The following CFAP61 variants were observed in gnomAD, a reference collection of about 807,000 sequenced individuals.
The protein encoded by CFAP61 is cilia- and flagella-associated protein 61.
A neutral mutation model predicts 135.6 loss-of-function variants in CFAP61; 107 were observed. That is an observed-to-expected ratio of 0.79 (90% CI 0.67 to 0.93). The LOEUF (loss-of-function observed/expected upper bound fraction) is 0.93, where lower values mean the gene tolerates loss of function less well. Ranked by LOEUF, CFAP61 falls within the 40% of genes least tolerant of loss-of-function variation. The pLI is 0.00. For missense variants in CFAP61, 1,507 were observed against 1,556.2 expected, an observed-to-expected ratio of 0.97 and a Z score of 0.53; for synonymous variants, 575 against 578.5, an observed-to-expected ratio of 0.99 and a Z score of 0.09.
At chr20:20,217,206 G>A (rs1833758807) in intron 17 of CFAP61, among the ~76,000 whole-genome samples, 3 of 152,170 alleles carry the variant, frequency 2.0e-5, no homozygotes, top group Admixed American at 1.3e-4. Context: ...AAAGCCCAGC[G>A]AGCCTTTTGG....
chr20:20,195,596 T>C (rs1037692793), intron 15 of CFAP61, among the ~76,000 whole-genome samples: 16 of 149,622 alleles, frequency 1.1e-4, no homozygotes, highest in African/African-American at 3.4e-4. Context: ...GGACCAGAAC[T>C]GGGCCTGTGG....
chr20:20,324,118 T>A (rs2057658664), intron 25 of CFAP61, among the ~76,000 whole-genome samples: 1 of 152,224 alleles, frequency 6.6e-6, no homozygotes, highest in Non-Finnish European at 1.5e-5. Context: ...TCTCAATTCT[T>A]ATGCATTCAA....
intron 17 of CFAP61, among the ~76,000 whole-genome samples, chr20:20,223,254 A>C (rs369064564): frequency 5.9e-5 from 9 of 152,328 alleles, no homozygotes; most frequent in African/African-American, 1.9e-4. Context: ...TTGCCTGCTG[A>C]GGAAAGCAGA....
rs565616828 is a variant in CFAP61 at position 20,129,031 on chromosome 20, T to C, written c.860-13826T>C. ...GTTATAACTATTATTATAATAGTTA[T>C]AACTATTATTGTTTTTGACAGATTT... On this transcript the variant is annotated intron_variant, in intron 8 of 26. Transcript: ENST00000245957. Among the ~76,000 whole-genome samples the C allele has an allele frequency of 2.1e-3, 317 of 151,682 alleles. 14 individuals carry two copies. Among genetic ancestry groups the C allele is most frequent in the African/African-American group, 7.4e-3 (302 of 41,082 alleles).
chr20:20,248,509 T>C (rs973351512), intron 19 of CFAP61, among the ~76,000 whole-genome samples: 2 of 152,146 alleles, frequency 1.3e-5, no homozygotes, highest in Non-Finnish European at 2.9e-5. Flanking sequence ...ATCCAGCCTC[T>C]TGTGGAGGTG....
intron 26 of CFAP61, among the ~76,000 whole-genome samples, chr20:20,358,312 TGA>T (rs2059350185): frequency 6.6e-6 from 1 of 152,140 alleles, no homozygotes; most frequent in Admixed American, 6.5e-5. Flanking sequence ...GATCACAGTA[TGA>T]GAGGTCATCC....
In CFAP61 at chr20:20,182,064, G is replaced by A. The variant is rs73605602; in HGVS notation, c.1386-5866G>A. On this transcript the variant is annotated intron_variant, in intron 13 of 26. Coordinates refer to ENST00000245957, the MANE Select transcript of CFAP61 (RefSeq NM_015585.4). ...TAAGTCGGTACATAATCATTGAAGC[G>A]GACTTTGTTTTATTGGATATTTATT... 4.0e-4 allele frequency among the ~76,000 whole-genome samples: 61 copies of A among 152,218 alleles called. 1 individual carries two copies. The East Asian group carries it at 0.011, about 26-fold the overall frequency.
intron 24 of CFAP61, among the ~76,000 whole-genome samples, chr20:20,296,398 C>G (rs1432955803): frequency 3.0e-4 from 35 of 116,746 alleles, no homozygotes; most frequent in South Asian, 6.6e-4. Context: ...CTCCTTCCTG[C>G]CTTCCTTCTT....
At chr20:20,231,478 A>C (rs115541502) in intron 18 of CFAP61, among the ~76,000 whole-genome samples, 1,922 of 152,254 alleles carry the variant, frequency 0.013, 38 homozygotes, top group African/African-American at 0.044. Context: ...CCGAGGAGCC[A>C]GTGGCCCTGC....
chr20:20,164,852 G>A (rs537122485), intron 11 of CFAP61, among the ~76,000 whole-genome samples: 75 of 152,286 alleles, frequency 4.9e-4, no homozygotes, highest in African/African-American at 1.7e-3. Flanking sequence ...GAGGCCTCAC[G>A]ATCATAGGGG....
At chr20:20,325,241 C>T (rs1253762532) in intron 25 of CFAP61, among the ~76,000 whole-genome samples, 1 of 152,172 alleles carries the variant, frequency 6.6e-6, no homozygotes, top group Non-Finnish European at 1.5e-5. Context: ...TTATTATTAA[C>T]TAAAGTTCAT....
At position 20,298,467 on chromosome 20, in the gene CFAP61, GCA is replaced by G. The variant is rs537224633; in HGVS notation, c.3422+83_3422+84del. On this transcript the variant is annotated intron_variant, in intron 25 of 26. Transcript: ENST00000245957. ...GTGAATGAGGGACATGTGTTGTGAT[GCA>G]CCCGAGAGCAAAACGGGAATCCCAG... The G allele has an allele frequency of 2.8e-4, 331 of 1,180,598 alleles. 2 individuals are homozygous for G. In the African/African-American group the frequency reaches 4.3e-3, roughly 15 times the overall value. 73.1% of individuals were successfully genotyped at this position (1,180,598 alleles called of 1,614,324 possible).
chr20:20,353,039 GA>G (rs1315464424), intron 26 of CFAP61, among the ~76,000 whole-genome samples: 1 of 152,092 alleles, frequency 6.6e-6, no homozygotes, highest in Non-Finnish European at 1.5e-5. Context: ...TCACTAACAG[GA>G]AAACAAATGA....
Position 20,277,474 on chromosome 20 carries a change from C to T in CFAP61, c.2796+16C>T. 4 of 1,586,238 alleles carry T rather than the reference C, an allele frequency of 2.5e-6. No individual in the cohort carries two copies. Among genetic ancestry groups the T allele is most frequent in the Non-Finnish European group, 3.4e-6 (4 of 1,161,944 alleles). On this transcript the variant is annotated intron_variant, in intron 22 of 26. Transcript: ENST00000245957. ...CCAGTGCTCTGTAAGTGGGTCCCTGCAAACCTCACTCACCAGCCAGGGACA... is the reference window on the plus strand; with the variant it reads ...CCAGTGCTCTGTAAGTGGGTCCCTGTAAACCTCACTCACCAGCCAGGGACA...
intron 17 of CFAP61, among the ~76,000 whole-genome samples, chr20:20,206,649 T>G (rs1038021846): frequency 2.6e-5 from 4 of 152,198 alleles, no homozygotes; most frequent in African/African-American, 4.8e-5. Context: ...TATTTTATTT[T>G]TTCATGCATG....
At chr20:20,127,444 T>C (rs1377458970) in intron 8 of CFAP61, among the ~76,000 whole-genome samples, 1 of 151,780 alleles carries the variant, frequency 6.6e-6, no homozygotes, top group East Asian at 1.9e-4. Flanking sequence ...CCTTTTCCTA[T>C]GGATGTGGCT....
At chr20:20,213,021 G>A (rs1027836969) in intron 17 of CFAP61, among the ~76,000 whole-genome samples, 2 of 152,130 alleles carry the variant, frequency 1.3e-5, no homozygotes, top group Non-Finnish European at 2.9e-5. Context: ...TGGGAACAGG[G>A]CAGGTACAAC....
chr20:20,252,707 C>T (rs1454039906), intron 20 of CFAP61, among the ~76,000 whole-genome samples: 2 of 152,188 alleles, frequency 1.3e-5, no homozygotes, highest in Non-Finnish European at 2.9e-5. Context: ...GGATTCGATG[C>T]GAGCCTGTGT....
At chr20:20,204,641 T>A (rs1480585907) in intron 17 of CFAP61, among the ~76,000 whole-genome samples, 2 of 152,186 alleles carry the variant, frequency 1.3e-5, no homozygotes, top group African/African-American at 4.8e-5. Context: ...TTAAACTTGG[T>A]AACTTTCACC....
Sources: gnomAD v4.1 joint callset for allele counts (sites outside exome capture counted in the v4.1 genomes callset) on GRCh38, gnomAD v4.1.1 for gene constraint, MANE v1.5 for transcripts, NCBI Gene and HGNC (gene_info 2026-07-23, HGNC 2026-07-21) for gene names.